Variants in ITGB8 observed in about 807,000 individuals in gnomAD.
ITGB8 encodes integrin subunit beta 8.
A neutral mutation model predicts 89.5 loss-of-function variants in ITGB8; 30 were observed. The observed-to-expected ratio is 0.34, with a 90% CI of 0.25 to 0.45. The LOEUF (loss-of-function observed/expected upper bound fraction) is 0.45, where lower values mean the gene tolerates loss of function less well. Among genes scored for constraint, ITGB8 ranks in the 20% least tolerant of loss-of-function variants. The pLI, the probability that ITGB8 is intolerant of heterozygous loss-of-function variation, is 1.00. For missense variants in ITGB8, 836 were observed against 933.3 expected, an observed-to-expected ratio of 0.90 and a Z score of 1.36; for synonymous variants, 335 against 320.4, an observed-to-expected ratio of 1.05 and a Z score of -0.49.
Position 20,406,052 on chromosome 7 carries a change from C to G in ITGB8, c.1914-10C>G, listed in dbSNP as rs199733806. 40 of 1,490,818 alleles carry G rather than the reference C, an allele frequency of 2.7e-5. No homozygotes were observed. The African/African-American group carries it at 5.1e-4, about 19-fold the overall frequency. 92.3% of individuals were successfully genotyped at this position (1,490,818 alleles called of 1,614,324 possible). A position where few individuals can be genotyped will look rare whatever the true frequency, so the allele number is the denominator to read the frequency against. On this transcript the variant is annotated splice_polypyrimidine_tract_variant and intron_variant, in intron 11 of 13. Coordinates refer to ENST00000222573, the MANE Select transcript of ITGB8 (RefSeq NM_002214.3). Reference sequence around the variant, plus strand: ...AGAATAAATATTTTCACTTCTGTTTCCCCTTGCAGGAATTGTATGCAATGC... The same window carrying G: ...AGAATAAATATTTTCACTTCTGTTTGCCCTTGCAGGAATTGTATGCAATGC...
intron 3 of ITGB8, among the ~76,000 whole-genome samples, chr7:20,370,537 G>A (rs1250220696): frequency 2.0e-5 from 3 of 150,620 alleles, no homozygotes; most frequent in Non-Finnish European, 4.4e-5. Context: ...TTCAAATATT[G>A]AAGGAATACA....
At chr7:20,407,246 T>TCAGTGGTTATAGGGTAC (rs150831757) in intron 12 of ITGB8, among the ~76,000 whole-genome samples, 42,040 of 151,790 alleles carry the variant, frequency 0.28, 6,376 homozygotes, top group Non-Finnish European at 0.33. Flanking sequence ...GCAAGCATAC[T>TCAGTGGTTATAGGGTAC]CATCTCTGGG....
At chr7:20,366,300 A>G (rs1785693859) in intron 2 of ITGB8, 1 of 152,186 alleles carries the variant, frequency 6.6e-6, no homozygotes, top group South Asian at 2.1e-4. Flanking sequence ...CACAGCATAT[A>G]TGATAGGAAA....
At position 20,381,715 on chromosome 7, in the gene ITGB8, T is replaced by C. The variant is rs1338631442; in HGVS notation, c.802-12T>C. ...TTATTGTACAAAGTCTAATTACATGTTTATTTTTAAGAGTCATATCGGATG... is the reference window on the plus strand; with the variant it reads ...TTATTGTACAAAGTCTAATTACATGCTTATTTTTAAGAGTCATATCGGATG... On this transcript the variant is annotated splice_polypyrimidine_tract_variant and intron_variant, in intron 5 of 13. Coordinates refer to ENST00000222573, the MANE Select transcript of ITGB8 (RefSeq NM_002214.3). 6.3e-7 allele frequency: 1 copy of C among 1,594,460 alleles called. No individual in the cohort carries two copies. Among genetic ancestry groups the C allele is most frequent in the Non-Finnish European group, 8.5e-7 (1 of 1,170,730 alleles).
At chr7:20,391,257 T>G (rs1385984976) in intron 6 of ITGB8, 146 bp from the exon 7 acceptor site, 1 of 426,096 alleles carries the variant, frequency 2.3e-6, no homozygotes, top group Non-Finnish European at 4.2e-6. Context: ...ATGTTATGTT[T>G]TCAAAAATTT....
intron 3 of ITGB8, among the ~76,000 whole-genome samples, chr7:20,367,760 G>T (rs1785760952): frequency 6.6e-6 from 1 of 152,134 alleles, no homozygotes; most frequent in South Asian, 2.1e-4. Context: ...TGGCCCCTGA[G>T]ATTAGTATAC....
chr7:20,387,564 A>G (rs1003979462), intron 6 of ITGB8, among the ~76,000 whole-genome samples: 2 of 152,174 alleles, frequency 1.3e-5, no homozygotes, highest in African/African-American at 4.8e-5. Flanking sequence ...GTGGTTCTCA[A>G]CTGGAGTGAT....
At chr7:20,345,251 T>C (rs1219212215) in intron 1 of ITGB8, among the ~76,000 whole-genome samples, 1 of 152,152 alleles carries the variant, frequency 6.6e-6, no homozygotes, top group Non-Finnish European at 1.5e-5. Flanking sequence ...AATTTTAAAA[T>C]CTAAGATGTG....
At chr7:20,398,569 T>C (rs141259078) in intron 8 of ITGB8, among the ~76,000 whole-genome samples, 1 of 152,324 alleles carries the variant, frequency 6.6e-6, no homozygotes, top group East Asian at 1.9e-4. Context: ...AATGACTGTT[T>C]TGTTAACAGA....
At chr7:20,347,435 TAAGG>T (rs1784965512) in intron 1 of ITGB8, among the ~76,000 whole-genome samples, 1 of 151,994 alleles carries the variant, frequency 6.6e-6, no homozygotes, top group South Asian at 2.1e-4. Context: ...AAATGATCGA[TAAGG>T]AAGGCCTCAA....
chr7:20,356,958 T>A (rs989101183), intron 1 of ITGB8, among the ~76,000 whole-genome samples: 2 of 152,186 alleles, frequency 1.3e-5, no homozygotes, highest in African/African-American at 2.4e-5. Flanking sequence ...TATGAATGAA[T>A]GGCATCATCA....
chr7:20,377,249 C>G (rs1296050547), intron 3 of ITGB8: 1 of 152,156 alleles, frequency 6.6e-6, no homozygotes, highest in Non-Finnish European at 1.5e-5. Flanking sequence ...TTAGACAGAG[C>G]CACCATAAAC....
At chr7:20,382,820 C>A (rs1365985262) in intron 6 of ITGB8, among the ~76,000 whole-genome samples, 1 of 152,144 alleles carries the variant, frequency 6.6e-6, no homozygotes, top group African/African-American at 2.4e-5. Context: ...ATTTTCAAAT[C>A]CTGAAATCAG....
At chr7:20,385,915 A>G (rs1370162886) in intron 6 of ITGB8, among the ~76,000 whole-genome samples, 1 of 152,242 alleles carries the variant, frequency 6.6e-6, no homozygotes, top group Non-Finnish European at 1.5e-5. Context: ...GATCAGACAG[A>G]ATTCCATGTG....
intron 6 of ITGB8, among the ~76,000 whole-genome samples, chr7:20,389,314 C>T (rs1320830914): frequency 6.6e-6 from 1 of 152,158 alleles, no homozygotes; most frequent in Non-Finnish European, 1.5e-5. Flanking sequence ...TTAATGATCG[C>T]CATTCTAACT....
chr7:20,357,171 T>C (rs1476970092), intron 1 of ITGB8, among the ~76,000 whole-genome samples: 2 of 152,180 alleles, frequency 1.3e-5, no homozygotes, highest in African/African-American at 4.8e-5. Context: ...AAAATCTGAA[T>C]AAAATGCAGG....
intron 1 of ITGB8, among the ~76,000 whole-genome samples, chr7:20,360,526 T>C (rs960678656): frequency 1.3e-5 from 2 of 152,058 alleles, no homozygotes; most frequent in African/African-American, 2.4e-5. Context: ...GAGTTTCCAA[T>C]GTCCATTAAA....
intron 9 of ITGB8, 76 bp downstream of exon 9, chr7:20,399,070 A>C (rs1787203582): frequency 1.4e-6 from 2 of 1,474,486 alleles, no homozygotes; most frequent in Non-Finnish European, 1.8e-6. Flanking sequence ...AAAGCAAACC[A>C]TTCTGAAAAA....
rs147908281 is a variant in ITGB8, at chr7:20,379,206, C to G, written c.544C>G (p.Arg182Gly). The change falls in exon 4 of 14, where the codon CGT (arginine) becomes GGT (glycine). Residue 182 changes from arginine (R) to glycine (G), a missense_variant. Physicochemically the swap from Arg to Gly is moderately radical, Grantham distance 125 (BLOSUM62 -2). This residue lies in a region of ITGB8 where 38 missense variants were observed against 52.2 expected (regional missense o/e 0.73). Coordinates refer to ENST00000222573, the MANE Select transcript of ITGB8 (RefSeq NM_002214.3). ...ATCTAGAAAAATGGCATTTTTCTCC[C>G]GTGACTTTCGTCTTGGATTTGGCTC... ...DLSRKMAFFS[R>G]DFRLGFGSYV... 1.2e-6 allele frequency: 2 copies of G among 1,611,698 alleles called. No homozygotes were observed. The highest frequency in any genetic ancestry group is 1.3e-5 in the African/African-American group (1 of 74,910).
Sources: gnomAD v4.1 joint callset for allele counts (sites outside exome capture counted in the v4.1 genomes callset) on GRCh38, gnomAD v4.1.1 for gene constraint, gnomAD v4.1.1 regional missense constraint, MANE v1.5 for transcripts, NCBI Gene and HGNC (gene_info 2026-07-23, HGNC 2026-07-21) for gene names.